AGPAT4: variants seen among roughly 807,000 people sequenced by gnomAD.
AGPAT4 encodes 1-acyl-sn-glycerol-3-phosphate acyltransferase delta.
In AGPAT4, 15 loss-of-function variants were observed where a neutral mutation model predicts 48.0. That is an observed-to-expected ratio of 0.31 (90% CI 0.21 to 0.48). The LOEUF (loss-of-function observed/expected upper bound fraction) is 0.48, where lower values mean the gene tolerates loss of function less well. AGPAT4 is among the 20% of genes least tolerant of loss of function. AGPAT4 has a pLI of 0.99. For synonymous variants in AGPAT4, 178 were observed against 198.7 expected (o/e 0.90, Z 0.88); for missense variants, 314 against 482.5 (o/e 0.65, Z 3.27).
At position 161,212,490 on chromosome 6, in the gene AGPAT4, T is replaced by C. The variant is rs1185048293; in HGVS notation, c.178+19546A>G. On this transcript the variant is annotated intron_variant, in intron 2 of 8. Transcript: ENST00000320285. This position sits in a 1 kb window ranked among gnomAD's most constrained non-coding sequence, Gnocchi z 6.1. ...TCCAAAAGTGACATAATTTGGCTTA[T>C]CTGGTATAAAAATTATACAGGAAAC... Among the ~76,000 whole-genome samples, 1 of 152,218 alleles carries C rather than the reference T, an allele frequency of 6.6e-6. No homozygotes were observed. The highest frequency in any genetic ancestry group is 1.5e-5 in the Non-Finnish European group (1 of 68,030).
At chr6:161,191,879 T>C (rs189505674) in intron 2 of AGPAT4, among the ~76,000 whole-genome samples, 17 of 152,340 alleles carry the variant, frequency 1.1e-4, no homozygotes, top group Middle Eastern at 3.4e-3. Flanking sequence ...ATTTCCTGAC[T>C]ACAGTCTTGA....
chr6:161,219,946 G>GCAGGCAGGCAGGCAGGCAGA lies in AGPAT4; in HGVS notation c.178+12089_178+12090insTCTGCCTGCCTGCCTGCCTG, dbSNP rs1247603859. 7.0e-6 allele frequency among the ~76,000 whole-genome samples: 1 copy of GCAGGCAGGCAGGCAGGCAGA among 143,766 alleles called. No individual in the cohort carries two copies. Among genetic ancestry groups the GCAGGCAGGCAGGCAGGCAGA allele is most frequent in the Non-Finnish European group, 1.5e-5 (1 of 66,718 alleles). 94.3% of individuals were successfully genotyped at this position (143,766 alleles called of 152,430 possible). Reference sequence around the variant, plus strand: ...GGCAGGCAGGCAGGCAGGCAGGCAGGCAGACAGACAGACAGACAGACAGGC... The same window carrying GCAGGCAGGCAGGCAGGCAGA: ...GGCAGGCAGGCAGGCAGGCAGGCAGGCAGGCAGGCAGGCAGGCAGACAGACAGACAGACAGACAGACAGGC... On this transcript the variant is annotated intron_variant, in intron 2 of 8. Transcript: ENST00000320285. This position sits in a 1 kb window ranked among gnomAD's most constrained non-coding sequence, Gnocchi z 4.9.
In AGPAT4 at chr6:161,140,619, G is replaced by A. The variant is rs1779218549; in HGVS notation, c.844-999C>T. 6.6e-6 allele frequency among the ~76,000 whole-genome samples: 1 copy of A among 152,258 alleles called. No individual in the cohort carries two copies. The highest frequency in any genetic ancestry group is 6.5e-5 in the Admixed American group (1 of 15,292). ...CACAAGGGAGGGACCCAGGAACCCA[G>A]GTCAGCAGGCGTGCTCAAGCGGCTG... On this transcript the variant is annotated intron_variant, in intron 7 of 8. Coordinates refer to ENST00000320285, the MANE Select transcript of AGPAT4 (RefSeq NM_020133.3). The surrounding 1 kb of genome is among the most constrained non-coding windows in gnomAD (Gnocchi z 6.5).
Position 161,159,985 on chromosome 6 carries a change from T to G in AGPAT4, c.349-5675A>C, listed in dbSNP as rs769965946. The G allele has an allele frequency of 1.3e-5, 2 of 151,624 alleles. No homozygotes were observed. The highest frequency in any genetic ancestry group is 2.4e-5 in the African/African-American group (1 of 40,940). 9.4% of individuals were successfully genotyped at this position (151,624 alleles called of 1,614,324 possible). On this transcript the variant is annotated intron_variant, in intron 3 of 8. Coordinates refer to ENST00000320285, the MANE Select transcript of AGPAT4 (RefSeq NM_020133.3). The surrounding 1 kb of genome is among the most constrained non-coding windows in gnomAD (Gnocchi z 4.1). Reference sequence around the variant, plus strand: ...TGGAGTCTTGCTCTGTTGCCCAGGCTGGAGTGCAGTGGTGCAATCTCAGCT... The same window carrying G: ...TGGAGTCTTGCTCTGTTGCCCAGGCGGGAGTGCAGTGGTGCAATCTCAGCT...
At chr6:161,188,790 GCAGC>G (rs1464057084) in intron 2 of AGPAT4, among the ~76,000 whole-genome samples, 2 of 152,188 alleles carry the variant, frequency 1.3e-5, no homozygotes, top group Non-Finnish European at 2.9e-5. Context: ...TCTGGGTTGA[GCAGC>G]CAGCGGCCGT....
chr6:161,157,969 T>C (rs1234385720), intron 3 of AGPAT4, among the ~76,000 whole-genome samples: 6 of 152,200 alleles, frequency 3.9e-5, no homozygotes, highest in Admixed American at 3.3e-4. Context: ...GACTGAATAA[T>C]GTATGGAAAC....
chr6:161,265,152 G>A (rs376608509), intron 1 of AGPAT4, among the ~76,000 whole-genome samples: 3 of 145,356 alleles, frequency 2.1e-5, no homozygotes, highest in Admixed American at 6.9e-5. Flanking sequence ...AGTACCCACC[G>A]CTGGACTGGG....
In AGPAT4 at chr6:161,233,413, A is replaced by C. The variant is rs1451632509; in HGVS notation, c.-89-1111T>G. Reference sequence around the variant, plus strand: ...AGGAAGACGTCTAATGTTACGACAAACTTTCTAACAATAATAGTTGAGAGG... The same window carrying C: ...AGGAAGACGTCTAATGTTACGACAACCTTTCTAACAATAATAGTTGAGAGG... On this transcript the variant is annotated intron_variant, in intron 1 of 8. Coordinates refer to ENST00000320285, the MANE Select transcript of AGPAT4 (RefSeq NM_020133.3). The surrounding 1 kb of genome is among the most constrained non-coding windows in gnomAD (Gnocchi z 5.4). Among the ~76,000 whole-genome samples, 1 of 152,184 alleles carries C rather than the reference A, an allele frequency of 6.6e-6. No individual in the cohort carries two copies. The highest frequency in any genetic ancestry group is 1.5e-5 in the Non-Finnish European group (1 of 68,038).
At position 161,223,775 on chromosome 6, in the gene AGPAT4, G is replaced by A. The variant is rs1398052938; in HGVS notation, c.178+8261C>T. ...CTCAAATGCAGGGCAGGGCTGGGTT[G>A]TGCCAAAGTGAAAGGCTCTCCACTC... On this transcript the variant is annotated intron_variant, in intron 2 of 8. Coordinates refer to ENST00000320285, the MANE Select transcript of AGPAT4 (RefSeq NM_020133.3). The surrounding 1 kb of genome is among the most constrained non-coding windows in gnomAD (Gnocchi z 6.3). Among the ~76,000 whole-genome samples the A allele has an allele frequency of 6.6e-6, 1 of 152,158 alleles. No individual in the cohort carries two copies. The highest frequency in any genetic ancestry group is 2.4e-5 in the African/African-American group (1 of 41,440).
rs1490719138 is a variant in AGPAT4, at chr6:161,206,277, T to C, written c.178+25759A>G. Among the ~76,000 whole-genome samples the C allele has an allele frequency of 6.6e-6, 1 of 152,098 alleles. No homozygotes were observed. The highest frequency in any genetic ancestry group is 1.5e-5 in the Non-Finnish European group (1 of 68,018). On this transcript the variant is annotated intron_variant, in intron 2 of 8. Coordinates refer to ENST00000320285, the MANE Select transcript of AGPAT4 (RefSeq NM_020133.3). This position sits in a 1 kb window ranked among gnomAD's most constrained non-coding sequence, Gnocchi z 4.8. ...CATCCTCTACCTGCTGGGTGACCGA[T>C]GTCATAGAAGGCTAAGTGGGGAGCT...
chr6:161,160,858 C>A, intron 3 of AGPAT4: 1 of 387,928 alleles, frequency 2.6e-6, no homozygotes, highest in Non-Finnish European at 5.2e-6. Context: ...AGAGCAGAGG[C>A]GTTACAGGGG....
rs1783124683 is a variant in AGPAT4, at chr6:161,262,251, G to C, written c.-90+11687C>G. Among the ~76,000 whole-genome samples, 1 of 152,142 alleles carries C rather than the reference G, an allele frequency of 6.6e-6. No individual in the cohort carries two copies. Among genetic ancestry groups the C allele is most frequent in the African/African-American group, 2.4e-5 (1 of 41,432 alleles). ...ATTGGTTGGTCCAAGGTGGGGCCCAGGAAGTCCTTTTTAAAATGCTTCCTA... is the reference window on the plus strand; with the variant it reads ...ATTGGTTGGTCCAAGGTGGGGCCCACGAAGTCCTTTTTAAAATGCTTCCTA... On this transcript the variant is annotated intron_variant, in intron 1 of 8. Transcript: ENST00000320285. The surrounding 1 kb of genome is among the most constrained non-coding windows in gnomAD (Gnocchi z 4.9).
rs531865507 is a variant in AGPAT4 at position 161,135,934 on chromosome 6, G to C, written c.*606C>G. The C allele has an allele frequency of 5.9e-5, 9 of 153,240 alleles. No homozygotes were observed. Among genetic ancestry groups the C allele is most frequent in the African/African-American group, 2.2e-4 (9 of 41,448 alleles). The allele number at this position is 153,240 out of a possible 1,614,324, so 9.5% of individuals were successfully genotyped here. A position where few individuals can be genotyped will look rare whatever the true frequency, so the allele number is the denominator to read the frequency against. Reference sequence around the variant, plus strand: ...CTCCTGGACCTGTGTCTCCTGCCAGGAGCTGTGCTGGCCTGCCCACCCCTC... The same window carrying C: ...CTCCTGGACCTGTGTCTCCTGCCAGCAGCTGTGCTGGCCTGCCCACCCCTC... On this transcript the variant is annotated 3_prime_UTR_variant, in exon 9 of 9. Transcript: ENST00000320285.
chr6:161,188,314 T>G (rs949810624), intron 2 of AGPAT4, among the ~76,000 whole-genome samples: 4 of 152,186 alleles, frequency 2.6e-5, no homozygotes, highest in East Asian at 3.9e-4. Flanking sequence ...AAAACCAACT[T>G]TTTCAGTAGA....
rs1022341293 is a variant in AGPAT4, at chr6:161,238,948, A to G, written c.-89-6646T>C. Among the ~76,000 whole-genome samples, 2 of 152,212 alleles carry G rather than the reference A, an allele frequency of 1.3e-5. No individual in the cohort carries two copies. The highest frequency in any genetic ancestry group is 2.4e-5 in the African/African-American group (1 of 41,446). ...TCCAGCCCTGCAGAACTGTGAGTCA[A>G]TTAAACCTCTTTCCTTTATAAATTA... is the stretch of plus-strand genomic sequence containing the variant. On this transcript the variant is annotated intron_variant, in intron 1 of 8. Transcript: ENST00000320285. The surrounding 1 kb of genome is among the most constrained non-coding windows in gnomAD (Gnocchi z 5.2).
At chr6:161,239,647 T>C (rs1185151180) in intron 1 of AGPAT4, among the ~76,000 whole-genome samples, 2 of 152,204 alleles carry the variant, frequency 1.3e-5, no homozygotes, top group Non-Finnish European at 2.9e-5. Context: ...AAACATCTTA[T>C]TGAAGCTCTT....
chr6:161,189,249 C>G lies in AGPAT4; in HGVS notation c.179-22832G>C, dbSNP rs1026019181. On this transcript the variant is annotated intron_variant, in intron 2 of 8. Coordinates refer to ENST00000320285, the MANE Select transcript of AGPAT4 (RefSeq NM_020133.3). This position sits in a 1 kb window ranked among gnomAD's most constrained non-coding sequence, Gnocchi z 5.3. The stretch of plus-strand genomic sequence containing the variant: ...GCCAGGAATTAGGAGGCTTTCCCAT[C>G]TGCGGACTGTCCTGCCTCCTCCCCA... Among the ~76,000 whole-genome samples the G allele has an allele frequency of 6.6e-6, 1 of 152,168 alleles. No individual in the cohort carries two copies. The highest frequency in any genetic ancestry group is 6.5e-5 in the Admixed American group (1 of 15,284).
Position 161,146,744 on chromosome 6 carries a change from G to C in AGPAT4, c.768-145C>G. 2 of 737,738 alleles carry C rather than the reference G, an allele frequency of 2.7e-6. No homozygotes were observed. Among genetic ancestry groups the C allele is most frequent in the Admixed American group, 2.5e-5 (1 of 39,986 alleles). The allele number at this position is 737,738 out of a possible 1,614,324, so 45.7% of individuals were successfully genotyped here. A position where few individuals can be genotyped will look rare whatever the true frequency, so the allele number is the denominator to read the frequency against. On this transcript the variant is annotated intron_variant, in intron 6 of 8. Transcript: ENST00000320285. The surrounding 1 kb of genome is among the most constrained non-coding windows in gnomAD (Gnocchi z 7.1). ...AAGAGAGTAATGCAAGTGATAGAAAGAAGGGGCGTTCCACATCCACACTGG... is the reference window on the plus strand; with the variant it reads ...AAGAGAGTAATGCAAGTGATAGAAACAAGGGGCGTTCCACATCCACACTGG...
intron 3 of AGPAT4, among the ~76,000 whole-genome samples, chr6:161,163,872 T>C (rs1281681776): frequency 6.6e-6 from 1 of 152,204 alleles, no homozygotes; most frequent in Non-Finnish European, 1.5e-5. Context: ...CAGACCTGCC[T>C]ATTTCACCTG....
Sources: allele counts gnomAD v4.1 joint callset (sites outside exome capture counted in the v4.1 genomes callset), GRCh38; gene constraint gnomAD v4.1.1; non-coding constraint Gnocchi (gnomAD v3.1); transcripts MANE v1.5; gene names NCBI Gene and HGNC (gene_info 2026-07-23, HGNC 2026-07-21).